ENTREP2: variants seen among roughly 807,000 people sequenced by gnomAD.
The protein encoded by ENTREP2 is endosomal transmembrane epsin interactor 2.
At chr15:29,506,406 A>G in the ENTREP2 span, among the ~76,000 whole-genome samples, 2 of 152,174 alleles carry the variant, frequency 1.3e-5, no homozygotes, top group Non-Finnish European at 2.9e-5. Context: ...AACTAGAGAG[A>G]ACATCACAAA....
the ENTREP2 span, among the ~76,000 whole-genome samples, chr15:29,319,751 C>G: frequency 2.0e-4 from 30 of 152,306 alleles, no homozygotes; most frequent in Non-Finnish European, 3.7e-4. Context: ...CACAGGGTCC[C>G]GGCTGAGATC....
the ENTREP2 span, among the ~76,000 whole-genome samples, chr15:29,511,105 G>A: frequency 6.6e-6 from 1 of 152,056 alleles, no homozygotes; most frequent in African/African-American, 2.4e-5. Flanking sequence ...ACGGGTTGAT[G>A]GGTGCAGCAA....
the ENTREP2 span, among the ~76,000 whole-genome samples, chr15:29,223,853 T>C: frequency 2.0e-5 from 3 of 152,150 alleles, no homozygotes; most frequent in Admixed American, 2.0e-4. Flanking sequence ...GCAGGCACTC[T>C]CTGGAGAGGG....
At chr15:29,503,367 T>C in the ENTREP2 span, among the ~76,000 whole-genome samples, 53,521 of 151,988 alleles carry the variant, frequency 0.35, 10,034 homozygotes, top group African/African-American at 0.49. Context: ...ATTCCAGTTA[T>C]GTGAAATGTC....
the ENTREP2 span, among the ~76,000 whole-genome samples, chr15:29,458,348 T>A: frequency 6.6e-6 from 1 of 152,168 alleles, no homozygotes; most frequent in African/African-American, 2.4e-5. Flanking sequence ...CTGATTCAAA[T>A]GTTTATCTCT....
chr15:29,495,596 TC>T, the ENTREP2 span, among the ~76,000 whole-genome samples: 4 of 152,066 alleles, frequency 2.6e-5, no homozygotes, highest in African/African-American at 7.2e-5. Flanking sequence ...CAATTTTGTT[TC>T]CTTTCATATT....
At chr15:29,240,383 A>G in the ENTREP2 span, among the ~76,000 whole-genome samples, 3 of 151,734 alleles carry the variant, frequency 2.0e-5, no homozygotes, top group African/African-American at 7.3e-5. Context: ...AAAAAAAGAA[A>G]GAAAGAAAAG....
At chr15:29,283,131 C>A in the ENTREP2 span, among the ~76,000 whole-genome samples, 1 of 152,184 alleles carries the variant, frequency 6.6e-6, no homozygotes, top group Non-Finnish European at 1.5e-5. Flanking sequence ...TATCCCAGGC[C>A]AGAGTGGGGT....
the ENTREP2 span, among the ~76,000 whole-genome samples, chr15:29,581,493 A>T: frequency 6.6e-6 from 1 of 152,146 alleles, no homozygotes; most frequent in Non-Finnish European, 1.5e-5. Flanking sequence ...TCACAGAAAT[A>T]CCCAAAATAA....
At chr15:29,627,741 T>C in the ENTREP2 span, among the ~76,000 whole-genome samples, 1 of 152,198 alleles carries the variant, frequency 6.6e-6, no homozygotes, top group African/African-American at 2.4e-5. Context: ...ATCATACACT[T>C]TGCCTTTTTG....
chr15:29,495,950 C>A, the ENTREP2 span, among the ~76,000 whole-genome samples: 1 of 151,872 alleles, frequency 6.6e-6, no homozygotes, highest in East Asian at 1.9e-4. Context: ...GTGAAAAATG[C>A]CAATGAAATT....
the ENTREP2 span, among the ~76,000 whole-genome samples, chr15:29,438,231 C>T: frequency 6.6e-6 from 1 of 152,186 alleles, no homozygotes; most frequent in Non-Finnish European, 1.5e-5. Context: ...AAGTGCCTTG[C>T]ACTGTCCCCA....
chr15:29,475,115 C>A, the ENTREP2 span, among the ~76,000 whole-genome samples: 3 of 151,960 alleles, frequency 2.0e-5, no homozygotes, highest in South Asian at 2.1e-4. Flanking sequence ...CGGCACTGAG[C>A]GAGAGTGTGT....
At chr15:29,195,451 C>T in the ENTREP2 span, 1 of 307,892 alleles carries the variant, frequency 3.2e-6, no homozygotes, top group African/African-American at 2.3e-5. Flanking sequence ...TGCTAGAACC[C>T]CCTCCATACT....
the ENTREP2 span, among the ~76,000 whole-genome samples, chr15:29,472,639 AT>A: frequency 6.6e-6 from 1 of 152,032 alleles, no homozygotes; most frequent in African/African-American, 2.4e-5. Flanking sequence ...TAATTTTTGT[AT>A]GTTTAGTAGA....
chr15:29,586,015 T>C, the ENTREP2 span, among the ~76,000 whole-genome samples: 1 of 152,192 alleles, frequency 6.6e-6, no homozygotes, highest in South Asian at 2.1e-4. Flanking sequence ...AAAACTAATA[T>C]ACAAATATTG....
chr15:29,667,195 T>A, the ENTREP2 span, among the ~76,000 whole-genome samples: 11 of 151,142 alleles, frequency 7.3e-5, no homozygotes, highest in Admixed American at 5.3e-4. Flanking sequence ...TTCTTTCCTT[T>A]TTTTTTTTTT....
At chr15:29,185,401 G>A in the ENTREP2 span, among the ~76,000 whole-genome samples, 2 of 152,126 alleles carry the variant, frequency 1.3e-5, no homozygotes, top group African/African-American at 4.8e-5. Context: ...TACCTGTCAT[G>A]AAAACTTCCA....
At chr15:29,236,891 G>A in the ENTREP2 span, among the ~76,000 whole-genome samples, 1 of 151,484 alleles carries the variant, frequency 6.6e-6, no homozygotes, top group Non-Finnish European at 1.5e-5. Flanking sequence ...AAAGAAGGAA[G>A]GAAGGAAGGA....
Sources: gnomAD v4.1 joint callset for allele counts (sites outside exome capture counted in the v4.1 genomes callset) on GRCh38, gnomAD v4.1.1 for gene constraint, MANE v1.5 for transcripts, NCBI Gene and HGNC (gene_info 2026-07-23, HGNC 2026-07-21) for gene names.